THSD4: variants seen among roughly 807,000 people sequenced by gnomAD.
THSD4 encodes thrombospondin type-1 domain-containing protein 4.
A neutral mutation model predicts 119.0 loss-of-function variants in THSD4; 69 were observed. The ratio of observed to expected loss-of-function variants is 0.58; its 90% CI spans 0.48 to 0.71. The LOEUF (loss-of-function observed/expected upper bound fraction) is 0.71, where lower values mean the gene tolerates loss of function less well. Among genes scored for constraint, THSD4 ranks in the 30% least tolerant of loss-of-function variants. The pLI is 0.00. For synonymous variants in THSD4, 524 were observed against 540.4 expected (o/e 0.97, Z 0.42); for missense variants, 1,393 against 1,391.1 (o/e 1.00, Z -0.02).
intron 8 of THSD4, among the ~76,000 whole-genome samples, chr15:71,727,005 G>A (rs1234602325): frequency 6.6e-6 from 1 of 151,588 alleles, no homozygotes; most frequent in Non-Finnish European, 1.5e-5. Context: ...AGGTGCCAAG[G>A]GTAGCTGAAG....
chr15:71,682,852 GCTACTTTCTTTCTTTCTTTCTTTCTTT>G (rs2051813683), intron 8 of THSD4, among the ~76,000 whole-genome samples: 2 of 136,088 alleles, frequency 1.5e-5, no homozygotes, highest in Admixed American at 1.4e-4. Context: ...TCCCTCTTTT[GCTACTTTCTTTCTTTCTTTCTTTCTTT>G]CTTTCTTTCT....
intron 4 of THSD4, among the ~76,000 whole-genome samples, chr15:71,232,015 C>G (rs528591430): frequency 6.6e-6 from 1 of 152,170 alleles, no homozygotes; most frequent in Non-Finnish European, 1.5e-5. Flanking sequence ...AAACAGGGCT[C>G]TCTTTCCAGC....
intron 13 of THSD4, among the ~76,000 whole-genome samples, chr15:71,748,145 T>G (rs1292870372): frequency 6.6e-6 from 1 of 152,172 alleles, no homozygotes; most frequent in Non-Finnish European, 1.5e-5. Flanking sequence ...TTTTAAGGTT[T>G]CTCTGGGGGT....
intron 7 of THSD4, among the ~76,000 whole-genome samples, chr15:71,649,563 C>T (rs191018727): frequency 2.6e-5 from 4 of 152,284 alleles, no homozygotes; most frequent in Admixed American, 2.6e-4. Flanking sequence ...AGGCATGAGC[C>T]GTGCACCAGC....
In THSD4 at chr15:71,777,371, A is replaced by G. The variant is rs1216600426; in HGVS notation, c.3054A>G (p.Arg1018=). ...ANRQTGFLGS[R] ...GGCAGACGGGCTTCCTGGGGAGCAG[A>G]TAACACTCCTGCACCCCCATCAGTA... Residue 1018 remains arginine, a synonymous_variant, in exon 18 of 18, where the codon AGA becomes AGG. Coordinates refer to ENST00000261862, the MANE Select transcript of THSD4 (RefSeq NM_024817.3). The G allele has an allele frequency of 1.9e-6, 3 of 1,613,348 alleles. No homozygotes were observed. The highest frequency in any genetic ancestry group is 2.7e-5 in the African/African-American group (2 of 74,926).
chr15:71,233,071 G>A (rs758424418), intron 4 of THSD4, among the ~76,000 whole-genome samples: 4 of 152,128 alleles, frequency 2.6e-5, no homozygotes, highest in South Asian at 2.1e-4. Flanking sequence ...AGAAGCTTCC[G>A]CCTCGGTATG....
intron 6 of THSD4, among the ~76,000 whole-genome samples, chr15:71,286,924 A>C (rs1021529438): frequency 6.6e-6 from 1 of 152,228 alleles, no homozygotes; most frequent in Non-Finnish European, 1.5e-5. Flanking sequence ...CTTTTAAAAA[A>C]TATGCTTGTT....
At chr15:71,098,626 TTTTTAC>T (rs1437438054) in intron 1 of THSD4, among the ~76,000 whole-genome samples, 1 of 152,100 alleles carries the variant, frequency 6.6e-6, no homozygotes, top group Non-Finnish European at 1.5e-5. Context: ...ACATTCATCA[TTTTTAC>T]TTAGTTGCAA....
intron 6 of THSD4, among the ~76,000 whole-genome samples, chr15:71,304,125 C>T (rs969399686): frequency 6.6e-6 from 1 of 152,182 alleles, no homozygotes; most frequent in Admixed American, 6.5e-5. Flanking sequence ...ATCCCAGATA[C>T]CACCAGGAGG....
At chr15:71,309,187 CA>C (rs757477543) in intron 6 of THSD4, among the ~76,000 whole-genome samples, 8 of 152,140 alleles carry the variant, frequency 5.3e-5, no homozygotes, top group Non-Finnish European at 1.2e-4. Context: ...TGAGCTCAGG[CA>C]ATCCGCCTGT....
intron 6 of THSD4, among the ~76,000 whole-genome samples, chr15:71,261,797 A>G (rs1395948627): frequency 1.3e-5 from 2 of 152,220 alleles, no homozygotes; most frequent in Non-Finnish European, 2.9e-5. Context: ...GCTATCCTTT[A>G]CCATGTGTTA....
chr15:71,582,445 T>C (rs2049577123), intron 7 of THSD4, among the ~76,000 whole-genome samples: 1 of 152,156 alleles, frequency 6.6e-6, no homozygotes, highest in Admixed American at 6.5e-5. Flanking sequence ...AGTTTGATTT[T>C]TTTCCTTTCG....
intron 6 of THSD4, among the ~76,000 whole-genome samples, chr15:71,327,902 G>T (rs2045367228): frequency 6.6e-6 from 1 of 152,164 alleles, no homozygotes; most frequent in Non-Finnish European, 1.5e-5. Flanking sequence ...GCCTCAGAAT[G>T]TATTAATTCA....
chr15:71,651,293 G>A (rs1244674119), intron 7 of THSD4, among the ~76,000 whole-genome samples: 1 of 152,134 alleles, frequency 6.6e-6, no homozygotes, highest in Non-Finnish European at 1.5e-5. Context: ...TCTGGTCCAG[G>A]CCTCCATCAC....
intron 6 of THSD4, among the ~76,000 whole-genome samples, chr15:71,396,993 T>A (rs1200412544): frequency 6.6e-6 from 1 of 152,218 alleles, no homozygotes; most frequent in East Asian, 1.9e-4. Context: ...TGTTCCCTGT[T>A]CAGGTTTTAA....
At chr15:71,364,773 C>T (rs774287807) in intron 6 of THSD4, among the ~76,000 whole-genome samples, 1 of 152,204 alleles carries the variant, frequency 6.6e-6, no homozygotes, top group Non-Finnish European at 1.5e-5. Context: ...TAGCGCTGAG[C>T]TTTAAAGCGT....
intron 3 of THSD4, among the ~76,000 whole-genome samples, chr15:71,159,315 T>C (rs2043228863): frequency 6.6e-6 from 1 of 152,198 alleles, no homozygotes; most frequent in African/African-American, 2.4e-5. Context: ...TGTGGTTCCA[T>C]ATGAATTTTA....
chr15:71,187,316 C>A (rs182403275), intron 3 of THSD4: 4 of 152,784 alleles, frequency 2.6e-5, no homozygotes, highest in Admixed American at 6.5e-5. Context: ...GAATTGCATT[C>A]TCCCTGCAGC....
intron 7 of THSD4, among the ~76,000 whole-genome samples, chr15:71,588,525 G>T (rs899233235): frequency 2.0e-5 from 3 of 151,928 alleles, no homozygotes; most frequent in South Asian, 4.2e-4. Context: ...CTAAGCTCAG[G>T]TGATCCTCCT....
Sources: gnomAD v4.1 joint callset for allele counts (sites outside exome capture counted in the v4.1 genomes callset) on GRCh38, gnomAD v4.1.1 for gene constraint, MANE v1.5 for transcripts, NCBI Gene and HGNC (gene_info 2026-07-23, HGNC 2026-07-21) for gene names.